Variants in PLPPR2 observed in about 807,000 individuals in gnomAD.
PLPPR2 encodes the protein phospholipid phosphatase-related protein type 2.
A neutral mutation model predicts 40.3 loss-of-function variants in PLPPR2; 11 were observed. That is an observed-to-expected ratio of 0.27 (90% CI 0.17 to 0.45). PLPPR2 has a LOEUF of 0.45. Among genes scored for constraint, PLPPR2 ranks in the 20% least tolerant of loss-of-function variants. The pLI, the probability that PLPPR2 is intolerant of heterozygous loss-of-function variation, is 1.00. For missense variants in PLPPR2, 497 were observed against 640.7 expected (o/e 0.78, Z 2.42); for synonymous variants, 260 against 290.8 (o/e 0.89, Z 1.08).
In PLPPR2 at chr19:11,359,516, C is replaced by A. The variant is rs754225056; in HGVS notation, c.67-16C>A. The A allele has an allele frequency of 1.3e-6, 2 of 1,525,280 alleles. No homozygotes were observed. The highest frequency in any genetic ancestry group is 4.7e-5 in the East Asian group (2 of 42,458). The allele number at this position is 1,525,280 out of a possible 1,614,324, so 94.5% of individuals were successfully genotyped here. A position where few individuals can be genotyped will look rare whatever the true frequency, so the allele number is the denominator to read the frequency against. ...TTCTCTCTCCGCCACCTCTCCCCGC[C>A]CTGGCTTGGTGGCAGTCGGTGCTGC... On this transcript the variant is annotated splice_polypyrimidine_tract_variant and intron_variant, in intron 3 of 9. Coordinates refer to ENST00000688289, the MANE Select transcript of PLPPR2 (RefSeq NM_001393892.1). This position sits in a 1 kb window ranked among gnomAD's most constrained non-coding sequence, Gnocchi z 5.6.
At position 11,362,802 on chromosome 19, in the gene PLPPR2, TC is replaced by T; in HGVS notation, c.840+116del. 8.9e-7 allele frequency: 1 copy of T among 1,129,824 alleles called. No individual in the cohort carries two copies. Among genetic ancestry groups the T allele is most frequent in the South Asian group, 1.6e-5 (1 of 64,472 alleles). 70.0% of individuals were successfully genotyped at this position (1,129,824 alleles called of 1,614,324 possible). Reference sequence around the variant, plus strand: ...TGGACTCTGTGTGACCTTGGGCCAATCCCTTAACATTACCCTTCCTGGATAT... The same window carrying T: ...TGGACTCTGTGTGACCTTGGGCCAATCCTTAACATTACCCTTCCTGGATAT... On this transcript the variant is annotated intron_variant, in intron 7 of 9. Transcript: ENST00000688289. This position sits in a 1 kb window ranked among gnomAD's most constrained non-coding sequence, Gnocchi z 5.3.
At chr19:11,357,347 T>C (rs1967915482) in intron 2 of PLPPR2, among the ~76,000 whole-genome samples, 1 of 151,954 alleles carries the variant, frequency 6.6e-6, no homozygotes, top group Non-Finnish European at 1.5e-5. Flanking sequence ...GGGAGTCTCT[T>C]CTAAAGGCCC....
Position 11,363,580 on chromosome 19 carries a change from G to A in PLPPR2, c.841-133G>A. The A allele has an allele frequency of 9.6e-7, 1 of 1,036,588 alleles. No homozygotes were observed. 64.2% of individuals were successfully genotyped at this position (1,036,588 alleles called of 1,614,324 possible). Reference sequence around the variant, plus strand: ...CAGTAAAATGGAACCAACAGTGCCTGGCACATACTATGCATTAGCTGTTTT... The same window carrying A: ...CAGTAAAATGGAACCAACAGTGCCTAGCACATACTATGCATTAGCTGTTTT... On this transcript the variant is annotated intron_variant, in intron 7 of 9. Transcript: ENST00000688289. The surrounding 1 kb of genome is among the most constrained non-coding windows in gnomAD (Gnocchi z 4.8).
intron 1 of PLPPR2, among the ~76,000 whole-genome samples, chr19:11,356,500 G>A (rs1967883246): frequency 6.6e-6 from 1 of 152,092 alleles, no homozygotes; most frequent in African/African-American, 2.4e-5. Flanking sequence ...GACAGGCTAT[G>A]AGCCCACTGT....
chr19:11,363,080 G>T lies in PLPPR2; in HGVS notation c.840+391G>T, dbSNP rs188677572. On this transcript the variant is annotated intron_variant, in intron 7 of 9. Coordinates refer to ENST00000688289, the MANE Select transcript of PLPPR2 (RefSeq NM_001393892.1). The surrounding 1 kb of genome is among the most constrained non-coding windows in gnomAD (Gnocchi z 4.8). ...AAGCTGAGGCAGGCGGATCACTTGA[G>T]GCCAAGAGTTCGAGACCAGCCTGGT... is the stretch of plus-strand genomic sequence containing the variant. 6.6e-6 allele frequency among the ~76,000 whole-genome samples: 1 copy of T among 152,246 alleles called. No individual in the cohort carries two copies. The highest frequency in any genetic ancestry group is 1.9e-4 in the East Asian group (1 of 5,192).
At position 11,364,028 on chromosome 19, in the gene PLPPR2, CA is replaced by C; in HGVS notation, c.964-132del. 2.9e-6 allele frequency: 4 copies of C among 1,382,348 alleles called. No homozygotes were observed. The highest frequency in any genetic ancestry group is 1.4e-5 in the South Asian group (1 of 72,120). 85.6% of individuals were successfully genotyped at this position (1,382,348 alleles called of 1,614,324 possible). ...AAAGGGAGCACCCCCGTCTTCTTCC[CA>C]GGGGGACACGGTTAATCATGAGAAC... On this transcript the variant is annotated intron_variant, in intron 8 of 9. Transcript: ENST00000688289. The surrounding 1 kb of genome is among the most constrained non-coding windows in gnomAD (Gnocchi z 5.8).
intron 5 of PLPPR2, 126 bp downstream of exon 5, chr19:11,360,082 C>G: frequency 3.0e-6 from 4 of 1,319,020 alleles, no homozygotes; most frequent in Non-Finnish European, 4.0e-6. Context: ...CCTGTAATCT[C>G]AGCACTGTGG....
chr19:11,362,328 C>T lies in PLPPR2; in HGVS notation c.664-185C>T, dbSNP rs543476986. 36 of 582,308 alleles carry T rather than the reference C, an allele frequency of 6.2e-5. No individual in the cohort carries two copies. The highest frequency in any genetic ancestry group is 8.5e-5 in the Non-Finnish European group (28 of 330,048). 36.1% of individuals were successfully genotyped at this position (582,308 alleles called of 1,614,324 possible). On this transcript the variant is annotated intron_variant, in intron 6 of 9. Transcript: ENST00000688289. The surrounding 1 kb of genome is among the most constrained non-coding windows in gnomAD (Gnocchi z 5.3). The stretch of plus-strand genomic sequence containing the variant: ...AAGACCTCAATCCCTGACCCCCCCC[C>T]CTTTGCCTTTTTGGTCACGCTCCCT...
Position 11,362,305 on chromosome 19 carries a change from G to T in PLPPR2, c.664-208G>T. 3.4e-6 allele frequency: 2 copies of T among 583,818 alleles called. No individual in the cohort carries two copies. Among genetic ancestry groups the T allele is most frequent in the East Asian group, 2.8e-5 (1 of 35,242 alleles). The allele number at this position is 583,818 out of a possible 1,614,324, so 36.2% of individuals were successfully genotyped here. ...GCAGGTGGTGCCCACGAGACTCCAA[G>T]ACCTCAATCCCTGACCCCCCCCCCT... On this transcript the variant is annotated intron_variant, in intron 6 of 9. Transcript: ENST00000688289. This position sits in a 1 kb window ranked among gnomAD's most constrained non-coding sequence, Gnocchi z 5.3.
chr19:11,357,933 C>T (rs1967934675), intron 3 of PLPPR2, among the ~76,000 whole-genome samples, 194 bp downstream of exon 3: 1 of 152,128 alleles, frequency 6.6e-6, no homozygotes, highest in South Asian at 2.1e-4. Flanking sequence ...CCCATCCACA[C>T]TGCAGGGTGC....
At position 11,364,516 on chromosome 19, in the gene PLPPR2, G is replaced by A. The variant is rs751983808; in HGVS notation, c.1185G>A (p.Ser395=). The A allele has an allele frequency of 7.2e-6, 11 of 1,530,500 alleles. No homozygotes were observed. In the Middle Eastern group the frequency reaches 6.7e-4, roughly 94 times the overall value. The allele number at this position is 1,530,500 out of a possible 1,614,324, so 94.8% of individuals were successfully genotyped here. A position where few individuals can be genotyped will look rare whatever the true frequency, so the allele number is the denominator to read the frequency against. The change falls in exon 10 of 10, where the codon TCG becomes TCA. Residue 395 remains serine (S), a synonymous_variant. Transcript: ENST00000688289. The surrounding 1 kb of genome is among the most constrained non-coding windows in gnomAD (Gnocchi z 5.8). ...CGCCCACCCCCAGCCAGGGCCCCTCGCCTTCCTCCCCTGGACCTGGGGGGC... is the reference window on the plus strand; with the variant it reads ...CGCCCACCCCCAGCCAGGGCCCCTCACCTTCCTCCCCTGGACCTGGGGGGC... The part of the protein sequence containing the change: ...LPAPTPSQGP[S]PSSPGPGGPG...
Position 11,364,873 on chromosome 19 carries a change from T to C in PLPPR2, c.*183T>C, listed in dbSNP as rs1336030692. 7 of 697,200 alleles carry C rather than the reference T, an allele frequency of 1.0e-5. 1 individual carries two copies. In the South Asian group the frequency reaches 1.1e-4, roughly 11 times the overall value. 43.2% of individuals were successfully genotyped at this position (697,200 alleles called of 1,614,324 possible). A position where few individuals can be genotyped will look rare whatever the true frequency, so the allele number is the denominator to read the frequency against. On this transcript the variant is annotated 3_prime_UTR_variant, in exon 10 of 10. Coordinates refer to ENST00000688289, the MANE Select transcript of PLPPR2 (RefSeq NM_001393892.1). The surrounding 1 kb of genome is among the most constrained non-coding windows in gnomAD (Gnocchi z 5.8). ...TCTCTGGCCCTCTGAGATATCCCGATGGGCACAAATGGAAGGTGCGCACTT... is the reference window on the plus strand; with the variant it reads ...TCTCTGGCCCTCTGAGATATCCCGACGGGCACAAATGGAAGGTGCGCACTT...
At chr19:11,357,843 T>C in intron 3 of PLPPR2, 104 bp downstream of exon 3, 1 of 873,964 alleles carries the variant, frequency 1.1e-6, no homozygotes, top group Non-Finnish European at 1.7e-6. Context: ...GGGATCTCCC[T>C]TGCTGTCCCC....
Position 11,364,796 on chromosome 19 carries a change from C to CCAGA in PLPPR2, c.*108_*111dup. 1 of 1,254,944 alleles carries CCAGA rather than the reference C, an allele frequency of 8.0e-7. No individual in the cohort carries two copies. The highest frequency in any genetic ancestry group is 1.1e-6 in the Non-Finnish European group (1 of 905,634). The allele number at this position is 1,254,944 out of a possible 1,614,324, so 77.7% of individuals were successfully genotyped here. ...CAAAGTCCCCTGCCCCCCAAGCCAG[C>CCAGA]CAGACCCAGACATTAGAAGATGGCT... On this transcript the variant is annotated 3_prime_UTR_variant, in exon 10 of 10. Transcript: ENST00000688289. This position sits in a 1 kb window ranked among gnomAD's most constrained non-coding sequence, Gnocchi z 5.8.
chr19:11,359,898 C>G lies in PLPPR2; in HGVS notation c.333C>G (p.Ile111Met). ...TCCCAGTCATCGGGGAGAGCACCAT[C>G]GTGTCTGGGGCCTGCTGCCGCTTCA... ...SAVPVIGEST[I>M]VSGACCRFSP... The change falls in exon 5 of 10, where the codon ATC becomes ATG. Residue 111 changes from isoleucine (I) to methionine (M), a missense_variant. By Grantham distance (10) the Ile-to-Met change is conservative. Coordinates refer to ENST00000688289, the MANE Select transcript of PLPPR2 (RefSeq NM_001393892.1). The surrounding 1 kb of genome is among the most constrained non-coding windows in gnomAD (Gnocchi z 5.6). 1.2e-6 allele frequency: 2 copies of G among 1,613,700 alleles called. No individual in the cohort carries two copies. The highest frequency in any genetic ancestry group is 1.7e-6 in the Non-Finnish European group (2 of 1,179,766).
intron 3 of PLPPR2, among the ~76,000 whole-genome samples, chr19:11,358,750 C>G (rs976333220): frequency 1.3e-5 from 2 of 151,146 alleles, no homozygotes; most frequent in African/African-American, 2.4e-5. Context: ...AGTCTTGCTC[C>G]GCTGCCCAGG....
Position 11,363,792 on chromosome 19 carries a change from C to G in PLPPR2, c.920C>G (p.Ala307Gly), listed in dbSNP as rs759747846. The part of the protein sequence containing the change: ...RLSPWEDLGQ[A>G]PTMDSPLEKL... Reference sequence around the variant, plus strand: ...TCTCCCTGGGAGGACCTGGGCCAAGCCCCCACCATGGATAGCCCCCTCGAA... The same window carrying G: ...TCTCCCTGGGAGGACCTGGGCCAAGGCCCCACCATGGATAGCCCCCTCGAA... Residue 307 changes from alanine to glycine, a missense_variant, in exon 8 of 10, where the codon GCC becomes GGC. Ala to Gly is a moderately conservative substitution (Grantham distance 60). Coordinates refer to ENST00000688289, the MANE Select transcript of PLPPR2 (RefSeq NM_001393892.1). This position sits in a 1 kb window ranked among gnomAD's most constrained non-coding sequence, Gnocchi z 4.8. The G allele has an allele frequency of 1.2e-6, 2 of 1,614,072 alleles. No homozygotes were observed. The highest frequency in any genetic ancestry group is 3.3e-5 in the Admixed American group (2 of 60,002).
Position 11,362,137 on chromosome 19 carries a change from C to T in PLPPR2, c.664-376C>T, listed in dbSNP as rs1968064224. ...ACAGCTCCTACAGCTCCTACAGCTC[C>T]CTTCGCCCTGACTCCACCCTCTGGT... On this transcript the variant is annotated intron_variant, in intron 6 of 9. Transcript: ENST00000688289. The surrounding 1 kb of genome is among the most constrained non-coding windows in gnomAD (Gnocchi z 5.3). 6.6e-6 allele frequency among the ~76,000 whole-genome samples: 1 copy of T among 152,108 alleles called. No individual in the cohort carries two copies. The highest frequency in any genetic ancestry group is 2.1e-4 in the South Asian group (1 of 4,828).
At chr19:11,357,911 A>T (rs1967934060) in intron 3 of PLPPR2, among the ~76,000 whole-genome samples, 172 bp downstream of exon 3, 1 of 151,892 alleles carries the variant, frequency 6.6e-6, no homozygotes, top group Non-Finnish European at 1.5e-5. Context: ...CCGGGGTCCA[A>T]TCCCTCTCTG....
Sources: allele counts gnomAD v4.1 joint callset (sites outside exome capture counted in the v4.1 genomes callset), GRCh38; gene constraint gnomAD v4.1.1; non-coding constraint Gnocchi (gnomAD v3.1); transcripts MANE v1.5; gene names NCBI Gene and HGNC (gene_info 2026-07-23, HGNC 2026-07-21).